The following WDR76 variants were observed in gnomAD, a reference collection of about 807,000 sequenced individuals.
The protein encoded by WDR76 is WD repeat-containing protein 76.
A neutral mutation model predicts 70.2 loss-of-function variants in WDR76; 52 were observed. The observed-to-expected ratio is 0.74, with a 90% CI of 0.59 to 0.93. The LOEUF is 0.93. Ranked by LOEUF, WDR76 falls within the 40% of genes least tolerant of loss-of-function variation. WDR76 has a pLI of 0.00. For missense variants in WDR76, 756 were observed against 760.2 expected (o/e 0.99, Z 0.07); for synonymous variants, 292 against 271.1 (o/e 1.08, Z -0.76).
intron 2 of WDR76, among the ~76,000 whole-genome samples, chr15:43,830,677 G>C (rs1358126571): frequency 6.6e-6 from 1 of 151,878 alleles, no homozygotes; most frequent in African/African-American, 2.4e-5. Context: ...AAAAAAAAAG[G>C]AGGTGGACAG....
chr15:43,835,895 G>A (rs182943807), intron 3 of WDR76, among the ~76,000 whole-genome samples: 1 of 151,702 alleles, frequency 6.6e-6, no homozygotes, highest in Admixed American at 6.6e-5. Context: ...GACCTCGGGT[G>A]ATCTACTTGC....
intron 8 of WDR76, among the ~76,000 whole-genome samples, chr15:43,849,411 AGAAT>A (rs1399979104): frequency 6.6e-6 from 1 of 152,262 alleles, no homozygotes; most frequent in African/African-American, 2.4e-5. Context: ...CTATACAGAT[AGAAT>A]GATAGCGAAG....
At chr15:43,844,132 T>G in intron 8 of WDR76, 78 bp downstream of exon 8, 8 of 1,301,510 alleles carry the variant, frequency 6.1e-6, no homozygotes, top group Non-Finnish European at 6.1e-6. Flanking sequence ...TAGAGCCATG[T>G]GTTTATAAAT....
In WDR76 at chr15:43,828,386, C is replaced by T; in HGVS notation, c.462+20C>T. 6.4e-7 allele frequency: 1 copy of T among 1,563,388 alleles called. No homozygotes were observed. Among genetic ancestry groups the T allele is most frequent in the Non-Finnish European group, 8.6e-7 (1 of 1,158,868 alleles). On this transcript the variant is annotated intron_variant, in intron 2 of 12. Coordinates refer to ENST00000263795, the MANE Select transcript of WDR76 (RefSeq NM_024908.4). ...TCCCTGGTAAGAACTTAATTAGTAG[C>T]TTGTTCTGGTTTCTCTTTTTTGAAA...
intron 7 of WDR76, among the ~76,000 whole-genome samples, 188 bp downstream of exon 7, chr15:43,842,859 A>G (rs895804513): frequency 6.6e-6 from 1 of 152,146 alleles, no homozygotes; most frequent in Non-Finnish European, 1.5e-5. Flanking sequence ...CATATACAAT[A>G]CCACTAGGAT....
In WDR76 at chr15:43,832,803, A is replaced by G. The variant is rs189228345; in HGVS notation, c.463-2258A>G. Among the ~76,000 whole-genome samples the G allele has an allele frequency of 2.4e-5, 3 of 126,626 alleles. No homozygotes were observed. In the East Asian group the frequency reaches 7.3e-4, roughly 31 times the overall value. The allele number at this position is 126,626 out of a possible 152,430, so 83.1% of individuals were successfully genotyped here. ...TCTCGGCTCTTGCCCTGGCAGCTAG[A>G]ATGCAGTGGTGTGATCTCGGCTCAC... On this transcript the variant is annotated intron_variant, in intron 2 of 12. Transcript: ENST00000263795.
At chr15:43,855,431 T>C (rs765238844) in intron 9 of WDR76, among the ~76,000 whole-genome samples, 12 of 152,228 alleles carry the variant, frequency 7.9e-5, no homozygotes, top group Non-Finnish European at 1.3e-4. Flanking sequence ...TTTAAATATA[T>C]TGAGTATGCC....
At chr15:43,858,280 G>A (rs975809882) in intron 10 of WDR76, among the ~76,000 whole-genome samples, 2 of 146,584 alleles carry the variant, frequency 1.4e-5, no homozygotes, top group African/African-American at 5.1e-5. Context: ...TTGAAATGGA[G>A]TTTTGCTCTT....
intron 5 of WDR76, among the ~76,000 whole-genome samples, chr15:43,841,654 A>G (rs986486459): frequency 2.6e-5 from 4 of 151,978 alleles, no homozygotes; most frequent in African/African-American, 9.7e-5. Flanking sequence ...TTTCTATTCT[A>G]TTCTCATTCA....
At chr15:43,865,304 A>G (rs1009780280) in intron 12 of WDR76, among the ~76,000 whole-genome samples, 1 of 150,054 alleles carries the variant, frequency 6.7e-6, no homozygotes, top group Admixed American at 6.6e-5. Context: ...ACAGAGTCTC[A>G]CTCTGTTGCC....
chr15:43,842,835 T>C (rs925950260), intron 7 of WDR76, among the ~76,000 whole-genome samples, 164 bp downstream of exon 7: 1 of 152,112 alleles, frequency 6.6e-6, no homozygotes, highest in African/African-American at 2.4e-5. Context: ...ACAATACCAC[T>C]AGGATATAAG....
intron 12 of WDR76, among the ~76,000 whole-genome samples, chr15:43,863,563 A>G (rs1257448729): frequency 6.6e-6 from 1 of 150,912 alleles, no homozygotes; most frequent in Non-Finnish European, 1.5e-5. Flanking sequence ...CTTTTTTAAA[A>G]AAAAAAAAAA....
At position 43,832,110 on chromosome 15, in the gene WDR76, A is replaced by C. The variant is rs1263463103; in HGVS notation, c.463-2951A>C. Among the ~76,000 whole-genome samples the C allele has an allele frequency of 4.6e-5, 7 of 152,172 alleles. No homozygotes were observed. The East Asian group carries it at 1.3e-3, about 29-fold the overall frequency. ...AATTGGATTTAGAATTGTAAGTTGA[A>C]AATAATCTTTCCTTAGAATTTTTAA... On this transcript the variant is annotated intron_variant, in intron 2 of 12. Transcript: ENST00000263795.
chr15:43,858,428 T>C, intron 10 of WDR76: 1 of 401,844 alleles, frequency 2.5e-6, no homozygotes, highest in Non-Finnish European at 4.5e-6. Context: ...CTTGTATTTT[T>C]AGTAGAGACG....
At chr15:43,843,638 A>G (rs377324485) in intron 7 of WDR76, among the ~76,000 whole-genome samples, 1 of 152,062 alleles carries the variant, frequency 6.6e-6, no homozygotes, top group South Asian at 2.1e-4. Flanking sequence ...TGAACATTTT[A>G]TATGAACTTA....
intron 5 of WDR76, among the ~76,000 whole-genome samples, chr15:43,841,193 G>GTTT (rs1419399531): frequency 9.3e-5 from 11 of 118,762 alleles, no homozygotes; most frequent in African/African-American, 1.3e-4. Flanking sequence ...GCTAAGTTTT[G>GTTT]TTTTTTTGTT....
rs766229539 is a variant in WDR76 at position 43,842,468 on chromosome 15, C to G, written c.786C>G (p.Asn262Lys). Residue 262 changes from asparagine to lysine, a missense_variant, in exon 6 of 13, where the codon AAC (asparagine) becomes AAG (lysine). By Grantham distance (94) the Asn-to-Lys change is moderately conservative. Coordinates refer to ENST00000263795, the MANE Select transcript of WDR76 (RefSeq NM_024908.4). ...TGACTTCTGAAAATCAAGAAGACAA[C>G]AATGAACGATTTAAAGGATTTCTGC... ...LEMTSENQED[N>K]NERFKGFLHT... 2 of 1,613,968 alleles carry G rather than the reference C, an allele frequency of 1.2e-6. No individual in the cohort carries two copies. The highest frequency in any genetic ancestry group is 1.7e-6 in the Non-Finnish European group (2 of 1,179,976).
rs760031372 is a variant in WDR76 at position 43,851,080 on chromosome 15, C to G, written c.1033-7C>G. On this transcript the variant is annotated splice_region_variant and splice_polypyrimidine_tract_variant and intron_variant, in intron 8 of 12. Coordinates refer to ENST00000263795, the MANE Select transcript of WDR76 (RefSeq NM_024908.4). ...TCTCTCTCCCCTTTCCCGCAACTCT[C>G]TTCCAGACCCAGCAACCTAAAGAAG... The G allele has an allele frequency of 6.2e-6, 10 of 1,613,928 alleles. No individual in the cohort carries two copies. The highest frequency in any genetic ancestry group is 5.3e-5 in the African/African-American group (4 of 75,034).
chr15:43,848,640 G>C (rs574816275), intron 8 of WDR76, among the ~76,000 whole-genome samples: 1 of 152,118 alleles, frequency 6.6e-6, no homozygotes, highest in Admixed American at 6.6e-5. Flanking sequence ...TATGAATCCT[G>C]GTATAAAATA....
Sources: allele counts gnomAD v4.1 joint callset (sites outside exome capture counted in the v4.1 genomes callset), GRCh38; gene constraint gnomAD v4.1.1; transcripts MANE v1.5; gene names NCBI Gene and HGNC (gene_info 2026-07-23, HGNC 2026-07-21).